The following USP48 variants were observed in gnomAD, a reference collection of about 807,000 sequenced individuals.
USP48 encodes ubiquitin specific peptidase 48.
Under a neutral mutation model 150.7 loss-of-function variants are expected in USP48, and 43 were observed. The observed-to-expected ratio is 0.29, with a 90% CI of 0.22 to 0.37. USP48 has a LOEUF of 0.37. Ranked by LOEUF, USP48 falls within the 10% of genes least tolerant of loss-of-function variation. The pLI, the probability that USP48 is intolerant of heterozygous loss-of-function variation, is 1.00. For missense variants in USP48, 813 were observed against 1,249.6 expected, an observed-to-expected ratio of 0.65 and a Z score of 5.27; for synonymous variants, 396 against 425.9, an observed-to-expected ratio of 0.93 and a Z score of 0.86.
chr1:21,752,379 T>A, intron 5 of USP48, 148 bp downstream of exon 5: 1 of 974,628 alleles, frequency 1.0e-6, no homozygotes, highest in South Asian at 1.7e-5. Context: ...CTTGTTTATA[T>A]GTTCCCATGG....
intron 21 of USP48, 119 bp downstream of exon 21, chr1:21,703,393 A>G: frequency 1.7e-6 from 1 of 582,380 alleles, no homozygotes; most frequent in Non-Finnish European, 3.0e-6. Context: ...CTGATGCCAA[A>G]CAGCTCTGAA....
intron 1 of USP48, among the ~76,000 whole-genome samples, chr1:21,757,985 A>C (rs2097841048): frequency 6.6e-6 from 1 of 152,178 alleles, no homozygotes; most frequent in African/African-American, 2.4e-5. Context: ...AAAACTACAT[A>C]GACAACTACC....
chr1:21,696,689 T>A (rs886937289), intron 22 of USP48, among the ~76,000 whole-genome samples: 2 of 152,258 alleles, frequency 1.3e-5, no homozygotes, highest in Admixed American at 6.5e-5. Context: ...AATGTCATGA[T>A]GGCCATGACT....
chr1:21,730,515 T>C (rs1266661423), intron 9 of USP48, among the ~76,000 whole-genome samples: 2 of 151,462 alleles, frequency 1.3e-5, no homozygotes, highest in African/African-American at 2.4e-5. Flanking sequence ...GCCAACATGG[T>C]GAAAACCCAT....
chr1:21,757,782 G>A lies in USP48; in HGVS notation c.136C>T (p.Arg46Ter). ...LEPCIRGVCRRNCKGNPNCLV... is the reference protein window; with the variant it reads ...LEPCIRGVCR ...CAATTCGGATTTCCTTTGCAGTTTC[G>A]TCTAAGGGGAAAAAAAAAACCTTTA... is the stretch of plus-strand genomic sequence containing the variant. The change falls in exon 2 of 27, where the codon CGA becomes TGA. Residue 46 changes from arginine (R) to a stop codon, truncating the protein, a stop_gained and splice_region_variant. Coordinates refer to ENST00000308271, the MANE Select transcript of USP48 (RefSeq NM_032236.8). LOFTEE classifies it high-confidence loss of function. 6.3e-7 allele frequency: 1 copy of A among 1,575,964 alleles called. No homozygotes were observed. Among genetic ancestry groups the A allele is most frequent in the Non-Finnish European group, 8.6e-7 (1 of 1,167,958 alleles).
chr1:21,735,670 C>T (rs2097767220), intron 9 of USP48, among the ~76,000 whole-genome samples: 1 of 152,222 alleles, frequency 6.6e-6, no homozygotes, highest in African/African-American at 2.4e-5. Flanking sequence ...AGGTGGATCA[C>T]CTGAGGTCAG....
intron 25 of USP48, among the ~76,000 whole-genome samples, chr1:21,682,985 G>A (rs929821742): frequency 6.6e-6 from 1 of 152,124 alleles, no homozygotes; most frequent in African/African-American, 2.4e-5. Flanking sequence ...ACAAGGCCAG[G>A]TGCAATAGCT....
intron 8 of USP48, among the ~76,000 whole-genome samples, chr1:21,746,286 G>T (rs944944551): frequency 6.6e-6 from 1 of 152,090 alleles, no homozygotes; most frequent in Admixed American, 6.5e-5. Context: ...TCCCACTTGA[G>T]GCCAGGAGTT....
chr1:21,711,921 AACAG>A (rs1300639749), intron 15 of USP48, among the ~76,000 whole-genome samples: 1 of 152,274 alleles, frequency 6.6e-6, no homozygotes, highest in East Asian at 1.9e-4. Context: ...AAATATTTCC[AACAG>A]ACAACTAAAT....
rs2097751759 is a variant in USP48, at chr1:21,729,783, A to C, written c.1221T>G (p.Thr407=). The C allele has an allele frequency of 2.5e-6, 4 of 1,614,140 alleles. No homozygotes were observed. The highest frequency in any genetic ancestry group is 3.4e-6 in the Non-Finnish European group (4 of 1,179,978). ...ACATATATGCATTTCGAGAGCAATG[A>C]GTTCCTTTGCCACACTTGGGTTTAC... is the stretch of plus-strand genomic sequence containing the variant. The part of the protein sequence containing the change: ...QTRKPKCGKG[T]HCSRNAYMLV... The change falls in exon 10 of 27, where the codon ACT becomes ACG. Residue 407 remains threonine (T), a synonymous_variant. Transcript: ENST00000308271.
chr1:21,698,826 C>T (rs1049931627), intron 22 of USP48, among the ~76,000 whole-genome samples: 9 of 151,878 alleles, frequency 5.9e-5, no homozygotes, highest in South Asian at 2.1e-4. Flanking sequence ...ACCTCGGAGG[C>T]GGAGCTTGCA....
At chr1:21,756,172 AATAAT>A (rs1344795414) in intron 3 of USP48, among the ~76,000 whole-genome samples, 1 of 149,812 alleles carries the variant, frequency 6.7e-6, no homozygotes, top group Non-Finnish European at 1.5e-5. Context: ...TTAAAAAAAT[AATAAT>A]AATAATAATA....
In USP48 at chr1:21,721,175, CAGAG is replaced by C; in HGVS notation, c.1764-13_1764-10del. 3 of 1,613,806 alleles carry C rather than the reference CAGAG, an allele frequency of 1.9e-6. No individual in the cohort carries two copies. The highest frequency in any genetic ancestry group is 1.3e-5 in the African/African-American group (1 of 75,064). ...CCCAAAATCCATCGCTGCTGTGGAACAGAGAGAATGTTAAATCATATAAGTAATA... is the reference window on the plus strand; with the variant it reads ...CCCAAAATCCATCGCTGCTGTGGAACAGAATGTTAAATCATATAAGTAATA... On this transcript the variant is annotated splice_polypyrimidine_tract_variant and intron_variant, in intron 13 of 26. Transcript: ENST00000308271.
Position 21,695,157 on chromosome 1 carries a change from A to C in USP48, c.2792T>G (p.Val931Gly), listed in dbSNP as rs763275501. ...HQNYIAYQKQ[V>G]IRRSMRHRKV... ...TCTATGTCGCATACTTCGGCGAATAACTTGCTTTTGATAGGCTATATAATT... is the reference window on the plus strand; with the variant it reads ...TCTATGTCGCATACTTCGGCGAATACCTTGCTTTTGATAGGCTATATAATT... The change falls in exon 23 of 27, where the codon GTT becomes GGT. Residue 931 changes from valine to glycine, a missense_variant. By Grantham distance (109) the Val-to-Gly change is moderately radical. Coordinates refer to ENST00000308271, the MANE Select transcript of USP48 (RefSeq NM_032236.8). The C allele has an allele frequency of 1.2e-6, 2 of 1,613,702 alleles. No individual in the cohort carries two copies. Among genetic ancestry groups the C allele is most frequent in the South Asian group, 2.2e-5 (2 of 90,992 alleles).
chr1:21,716,798 G>A (rs1416020523), intron 14 of USP48, among the ~76,000 whole-genome samples: 4 of 152,148 alleles, frequency 2.6e-5, no homozygotes, highest in Non-Finnish European at 5.9e-5. Context: ...GGAGGCTGAG[G>A]CGGGTGGATC....
chr1:21,745,046 C>CTAA (rs2097791392), intron 8 of USP48, among the ~76,000 whole-genome samples: 1 of 152,062 alleles, frequency 6.6e-6, no homozygotes, highest in Non-Finnish European at 1.5e-5. Flanking sequence ...AATATAAATA[C>CTAA]TAATTATCTG....
intron 14 of USP48, among the ~76,000 whole-genome samples, chr1:21,719,529 C>T (rs1023575156): frequency 6.6e-6 from 1 of 152,170 alleles, no homozygotes; most frequent in Non-Finnish European, 1.5e-5. Flanking sequence ...GTGGGAGGAT[C>T]GCTTGAGCAC....
intron 15 of USP48, among the ~76,000 whole-genome samples, chr1:21,708,836 G>C (rs918977500): frequency 1.5e-5 from 2 of 130,312 alleles, no homozygotes; most frequent in African/African-American, 2.9e-5. Context: ...AGTGAGCCAA[G>C]ATCGCACCAT....
At chr1:21,704,001 G>A (rs1237488349) in intron 20 of USP48, among the ~76,000 whole-genome samples, 2 of 152,140 alleles carry the variant, frequency 1.3e-5, no homozygotes, top group Non-Finnish European at 2.9e-5. Flanking sequence ...AGGATTATAG[G>A]TATGAGCTAG....
Sources: gnomAD v4.1 joint callset for allele counts (sites outside exome capture counted in the v4.1 genomes callset) on GRCh38, gnomAD v4.1.1 for gene constraint, MANE v1.5 for transcripts, NCBI Gene and HGNC (gene_info 2026-07-23, HGNC 2026-07-21) for gene names.